Variants in FABP12 observed in about 807,000 individuals in gnomAD.
FABP12 encodes fatty acid-binding protein 12.
Under a neutral mutation model 13.7 loss-of-function variants are expected in FABP12, and 19 were observed. The ratio of observed to expected loss-of-function variants is 1.39; its 90% CI spans 0.97 to 2.04. The LOEUF (loss-of-function observed/expected upper bound fraction) is 2.04. Ranked by LOEUF, FABP12 falls within the 30% of genes most tolerant of loss-of-function variation. FABP12 has a pLI of 0.00. For synonymous variants in FABP12, 61 were observed against 57.0 expected (o/e 1.07, Z -0.32); for missense variants, 182 against 164.2 (o/e 1.11, Z -0.59).
intron 1 of FABP12, among the ~76,000 whole-genome samples, chr8:81,557,116 C>A (rs1809634710): frequency 6.6e-6 from 1 of 151,944 alleles, no homozygotes; most frequent in Admixed American, 6.6e-5. Flanking sequence ...CTCAGGTGAT[C>A]CGCCCACCTC....
upstream of FABP12, among the ~76,000 whole-genome samples, chr8:81,536,638 G>A (rs1012285394): frequency 1.4e-4 from 21 of 152,270 alleles, no homozygotes; most frequent in Admixed American, 6.5e-4. Flanking sequence ...ATAGAAATCC[G>A]AAATGTTTCC....
At chr8:81,555,074 G>T (rs975418877) in intron 1 of FABP12, among the ~76,000 whole-genome samples, 3 of 152,008 alleles carry the variant, frequency 2.0e-5, no homozygotes, top group Non-Finnish European at 2.9e-5. Context: ...TACTAAAAAA[G>T]TGAAGAGGAA....
At chr8:81,587,017 C>A (rs1331375610) in intron 1 of FABP12, among the ~76,000 whole-genome samples, 1 of 152,188 alleles carries the variant, frequency 6.6e-6, no homozygotes, top group African/African-American at 2.4e-5. Context: ...ATATGGCTGG[C>A]CAGTTATCCC....
chr8:81,561,992 C>T (rs1424871326), intron 1 of FABP12, among the ~76,000 whole-genome samples: 1 of 152,166 alleles, frequency 6.6e-6, no homozygotes, highest in Non-Finnish European at 1.5e-5. Flanking sequence ...TTGTGTCATG[C>T]CTCTTCCAAC....
chr8:81,582,552 A>G (rs1370902065), intron 1 of FABP12, among the ~76,000 whole-genome samples: 3 of 152,062 alleles, frequency 2.0e-5, no homozygotes, highest in African/African-American at 7.2e-5. Context: ...AAGCAGAAGT[A>G]GCTATAATTA....
chr8:81,578,823 G>GTTTCTTTTTTTT (rs71268012), intron 1 of FABP12, among the ~76,000 whole-genome samples: 4,109 of 105,544 alleles, frequency 0.039, 489 homozygotes, highest in South Asian at 0.057. Context: ...ATTTGTTCAA[G>GTTTCTTTTTTTT]TTTTTTTTTT....
chr8:81,582,191 C>T (rs1425691867), intron 1 of FABP12, among the ~76,000 whole-genome samples: 1 of 135,564 alleles, frequency 7.4e-6, no homozygotes, highest in South Asian at 2.4e-4. Context: ...GGCATAATCT[C>T]GGCTCACTGC....
chr8:81,588,142 C>T (rs1490378425), intron 1 of FABP12, among the ~76,000 whole-genome samples: 3 of 152,190 alleles, frequency 2.0e-5, no homozygotes, highest in South Asian at 2.1e-4. Flanking sequence ...TCCACTGACG[C>T]AAATGTTAAT....
intron 1 of FABP12, among the ~76,000 whole-genome samples, chr8:81,558,887 CAAAAAAA>C (rs35682824): frequency 1.0e-4 from 7 of 67,530 alleles, no homozygotes; most frequent in Non-Finnish European, 1.5e-4. Context: ...AAGGCTCCAT[CAAAAAAA>C]AAAAAAAAAA....
intron 1 of FABP12, among the ~76,000 whole-genome samples, chr8:81,567,928 T>C (rs548253471): frequency 6.6e-6 from 1 of 151,668 alleles, no homozygotes; most frequent in Non-Finnish European, 1.5e-5. Context: ...GAGACCATCC[T>C]GGCGAACAAG....
intron 1 of FABP12, among the ~76,000 whole-genome samples, chr8:81,555,745 A>T (rs897407495): frequency 6.6e-6 from 1 of 152,244 alleles, no homozygotes; most frequent in Admixed American, 6.5e-5. Context: ...TACATTTTAA[A>T]GTGCATTCTT....
At chr8:81,586,177 T>C (rs536337911) in intron 1 of FABP12, among the ~76,000 whole-genome samples, 28 of 152,310 alleles carry the variant, frequency 1.8e-4, no homozygotes, top group African/African-American at 6.7e-4. Flanking sequence ...CATGATCCCA[T>C]TCTTTTTATA....
intron 1 of FABP12, among the ~76,000 whole-genome samples, chr8:81,550,940 C>A (rs1416244479): frequency 2.0e-5 from 3 of 152,156 alleles, no homozygotes; most frequent in Non-Finnish European, 4.4e-5. Flanking sequence ...TATGGCCAGA[C>A]AACTCTATTA....
chr8:81,541,379 C>T (rs779269726), intron 1 of FABP12, among the ~76,000 whole-genome samples: 1 of 152,102 alleles, frequency 6.6e-6, no homozygotes, highest in South Asian at 2.1e-4. Flanking sequence ...CTGTTGTTTA[C>T]CATCAGCCTG....
intron 3 of FABP12, among the ~76,000 whole-genome samples, chr8:81,527,688 G>A (rs538576266): frequency 6.6e-6 from 1 of 152,222 alleles, no homozygotes; most frequent in South Asian, 2.1e-4. Context: ...ATCTTTGACT[G>A]TGTAAGCAGA....
intron 1 of FABP12, among the ~76,000 whole-genome samples, chr8:81,578,828 T>C (rs1194187416): frequency 1.4e-5 from 2 of 138,336 alleles, no homozygotes; most frequent in Non-Finnish European, 3.1e-5. Flanking sequence ...TTCAAGTTTT[T>C]TTTTTTTTTT....
chr8:81,562,858 G>A (rs1208417669), intron 1 of FABP12, among the ~76,000 whole-genome samples: 1 of 152,228 alleles, frequency 6.6e-6, no homozygotes, highest in Non-Finnish European at 1.5e-5. Flanking sequence ...ACTTACCTAA[G>A]GAGAGGATAC....
chr8:81,532,522 G>C (rs895796007), intron 1 of FABP12, among the ~76,000 whole-genome samples: 1 of 152,190 alleles, frequency 6.6e-6, no homozygotes, highest in African/African-American at 2.4e-5. Flanking sequence ...AGATATGGTT[G>C]GTAAAGATAC....
At chr8:81,534,112 C>T (rs1264139607), upstream of FABP12, among the ~76,000 whole-genome samples, 1 of 152,044 alleles carries the variant, frequency 6.6e-6, no homozygotes, top group African/African-American at 2.4e-5. Flanking sequence ...TACACACACT[C>T]TCTCTCTCAC....
Sources: gnomAD v4.1 joint callset for allele counts (sites outside exome capture counted in the v4.1 genomes callset) on GRCh38, gnomAD v4.1.1 for gene constraint, MANE v1.5 for transcripts, NCBI Gene and HGNC (gene_info 2026-07-23, HGNC 2026-07-21) for gene names.